ZBTB40: variants seen among roughly 807,000 people sequenced by gnomAD.
ZBTB40 encodes zinc finger and BTB domain containing 40, also known as zinc finger and BTB domain-containing protein 40.
A neutral mutation model predicts 117.5 loss-of-function variants in ZBTB40; 60 were observed. The ratio of observed to expected loss-of-function variants is 0.51; its 90% CI spans 0.41 to 0.63. The LOEUF (loss-of-function observed/expected upper bound fraction) is 0.63, where lower values mean the gene tolerates loss of function less well. Ranked by LOEUF, ZBTB40 falls within the 30% of genes least tolerant of loss-of-function variation. ZBTB40 has a pLI of 0.00. For missense variants in ZBTB40, 1,287 were observed against 1,498.5 expected (o/e 0.86, Z 2.33); for synonymous variants, 525 against 577.1 (o/e 0.91, Z 1.29).
chr1:22,501,251 TA>T (rs1263520157), intron 3 of ZBTB40, among the ~76,000 whole-genome samples: 2 of 152,118 alleles, frequency 1.3e-5, no homozygotes, highest in Non-Finnish European at 2.9e-5. Flanking sequence ...CCAGCAGAGG[TA>T]ACCCCTGAGC....
chr1:22,469,485 A>G (rs997000752), intron 1 of ZBTB40, among the ~76,000 whole-genome samples: 1 of 152,106 alleles, frequency 6.6e-6, no homozygotes, highest in Non-Finnish European at 1.5e-5. Context: ...GCACCCGGCT[A>G]TATTAATAGT....
intron 1 of ZBTB40, among the ~76,000 whole-genome samples, chr1:22,433,277 C>CA (rs1351697193): frequency 6.6e-6 from 1 of 150,754 alleles, no homozygotes; most frequent in African/African-American, 2.4e-5. Context: ...ACTAAAAATA[C>CA]AAAAAATTAG....
chr1:22,522,492 G>A lies in ZBTB40; in HGVS notation c.3298+29G>A. 2.5e-6 allele frequency: 4 copies of A among 1,610,718 alleles called. 1 individual carries two copies. Among genetic ancestry groups the A allele is most frequent in the Non-Finnish European group, 3.4e-6 (4 of 1,177,114 alleles). ...AGTACCCCTGTCAGCATACTTCTAG[G>A]CTAGACTCGGGGCCTGAATCTCCCC... On this transcript the variant is annotated intron_variant, in intron 16 of 17. Transcript: ENST00000375647.
intron 3 of ZBTB40, among the ~76,000 whole-genome samples, chr1:22,497,695 T>C (rs1284766466): frequency 2.0e-5 from 3 of 152,166 alleles, no homozygotes; most frequent in East Asian, 1.9e-4. Flanking sequence ...GTAAGTCTAA[T>C]AGAACCCAGT....
intron 3 of ZBTB40, among the ~76,000 whole-genome samples, chr1:22,491,795 C>A (rs989537506): frequency 1.3e-5 from 2 of 152,076 alleles, no homozygotes; most frequent in African/African-American, 4.8e-5. Flanking sequence ...ACTGATCATA[C>A]CATTTACTCC....
intron 1 of ZBTB40, among the ~76,000 whole-genome samples, chr1:22,453,182 A>G (rs528661722): frequency 6.6e-6 from 1 of 152,340 alleles, no homozygotes; most frequent in Admixed American, 6.5e-5. Context: ...TGGAGATTTA[A>G]TTACAATCTC....
At chr1:22,449,946 CTTTTTTT>C (rs35273875), upstream of ZBTB40, among the ~76,000 whole-genome samples, 3 of 143,914 alleles carry the variant, frequency 2.1e-5, no homozygotes, top group African/African-American at 7.7e-5. Context: ...AAATATTTCT[CTTTTTTT>C]TTTTTTTGAG....
At chr1:22,522,522 C>A (rs771456659) in intron 16 of ZBTB40, 59 bp downstream of exon 16, 1 of 1,533,636 alleles carries the variant, frequency 6.5e-7, no homozygotes, top group Non-Finnish European at 9.0e-7. Context: ...CTCCCCTCCA[C>A]CACTTGCAGC....
At chr1:22,449,139 G>C (rs998776097), upstream of ZBTB40, among the ~76,000 whole-genome samples, 1 of 152,092 alleles carries the variant, frequency 6.6e-6, no homozygotes, top group Non-Finnish European at 1.5e-5. Context: ...CTACGGCCAG[G>C]AACATGTTTT....
rs756098514 is a variant in ZBTB40 at position 22,490,423 on chromosome 1, T to G, written c.475T>G (p.Ser159Ala). The change falls in exon 2 of 18, where the codon TCT becomes GCT. Residue 159 changes from serine (S) to alanine (A), a missense_variant. Transcript: ENST00000375647. ...LSSEGAGEPHSSPELAATPGG... is the reference protein window; with the variant it reads ...LSSEGAGEPHASPELAATPGG... Reference sequence around the variant, plus strand: ...ATCTGAAGGTGCTGGAGAGCCTCATTCTTCCCCAGAGCTTGCTGCCACTCC... The same window carrying G: ...ATCTGAAGGTGCTGGAGAGCCTCATGCTTCCCCAGAGCTTGCTGCCACTCC... The G allele has an allele frequency of 1.9e-5, 30 of 1,609,660 alleles. No homozygotes were observed. In the Admixed American group the frequency reaches 2.3e-4, roughly 13 times the overall value.
At chr1:22,452,172 G>C (rs1033104060) in intron 1 of ZBTB40, among the ~76,000 whole-genome samples, 168 bp downstream of exon 1, 1 of 152,130 alleles carries the variant, frequency 6.6e-6, no homozygotes, top group African/African-American at 2.4e-5. Flanking sequence ...CCCCCTCCAG[G>C]GGCGGTCCGC....
At chr1:22,524,595 T>C in intron 17 of ZBTB40, 151 bp downstream of exon 17, 1 of 946,278 alleles carries the variant, frequency 1.1e-6, no homozygotes, top group East Asian at 2.6e-5. Context: ...CAGAAAATTC[T>C]AGTCTCCTGG....
chr1:22,524,096 G>T (rs1639610868), intron 16 of ZBTB40, 122 bp from the exon 17 acceptor site: 2 of 922,284 alleles, frequency 2.2e-6, no homozygotes, highest in Non-Finnish European at 1.7e-6. Flanking sequence ...ACAAAATGTG[G>T]ATCCGCCTCC....
chr1:22,503,787 CAATTT>C (rs986063252), intron 5 of ZBTB40, among the ~76,000 whole-genome samples: 90 of 152,286 alleles, frequency 5.9e-4, no homozygotes, highest in African/African-American at 2.0e-3. Flanking sequence ...TTCAGGCACT[CAATTT>C]AAGTAAGTTG....
chr1:22,463,223 C>A (rs917954999), intron 1 of ZBTB40, among the ~76,000 whole-genome samples: 1 of 152,162 alleles, frequency 6.6e-6, no homozygotes, highest in East Asian at 1.9e-4. Context: ...AGAGCCTGCG[C>A]GCCACACCTT....
intron 6 of ZBTB40, among the ~76,000 whole-genome samples, chr1:22,507,095 G>A (rs1043828866): frequency 5.3e-5 from 8 of 152,142 alleles, no homozygotes; most frequent in African/African-American, 1.9e-4. Flanking sequence ...ATTTCAGAGC[G>A]GATGTAGCAT....
chr1:22,467,769 C>G (rs1641291024), intron 1 of ZBTB40, among the ~76,000 whole-genome samples: 1 of 137,210 alleles, frequency 7.3e-6, no homozygotes, highest in African/African-American at 2.7e-5. Flanking sequence ...GCCACTGTGT[C>G]AGGCCTGTTT....
intron 1 of ZBTB40, among the ~76,000 whole-genome samples, chr1:22,432,326 G>C (rs1640602751): frequency 6.6e-6 from 1 of 152,152 alleles, no homozygotes; most frequent in African/African-American, 2.4e-5. Flanking sequence ...CTCAACCTTG[G>C]GGTGGGTTGG....
In ZBTB40 at chr1:22,524,354, C is replaced by T. The variant is rs1639618897; in HGVS notation, c.3435C>T (p.Thr1145=). The change falls in exon 17 of 18, where the codon ACC becomes ACT. Residue 1145 remains threonine (T), a synonymous_variant. Coordinates refer to ENST00000375647, the MANE Select transcript of ZBTB40 (RefSeq NM_014870.4). ...FPCELCGELF[T]SQAQLDSHLE... ...GTGAGCTCTGTGGGGAACTCTTCAC[C>T]TCCCAGGCCCAGCTTGACAGTCACC... 7 of 1,614,170 alleles carry T rather than the reference C, an allele frequency of 4.3e-6. No homozygotes were observed. Among genetic ancestry groups the T allele is most frequent in the Non-Finnish European group, 5.9e-6 (7 of 1,180,044 alleles).
Sources: allele counts gnomAD v4.1 joint callset (sites outside exome capture counted in the v4.1 genomes callset), GRCh38; gene constraint gnomAD v4.1.1; transcripts MANE v1.5; gene names NCBI Gene and HGNC (gene_info 2026-07-23, HGNC 2026-07-21).